Variants in SMAD6 observed in about 807,000 individuals in gnomAD.
SMAD6 encodes MAD homolog 6.
Under a neutral mutation model 39.4 loss-of-function variants are expected in SMAD6, and 103 were observed. The observed-to-expected ratio is 2.62, with a 90% CI of 2.23 to 3.08. SMAD6 has a LOEUF of 3.08. Among genes scored for constraint, SMAD6 ranks in the 30% most tolerant of loss-of-function variants. The probability of loss-of-function intolerance (pLI) is 0.00; values close to 1 mark genes in which losing one functional copy is unlikely to be tolerated. For synonymous variants in SMAD6, 445 were observed against 353.3 expected (o/e 1.26, Z -2.91); for missense variants, 1,104 against 742.9 (o/e 1.49, Z -5.65).
Position 66,716,600 on chromosome 15 carries a change from T to C in SMAD6, c.952+102T>C. ...AGACTTTTTGACTTCCCCTCTTCTT[T>C]TTGTTTCCCTTTTCCTCCAATCCTT... is the stretch of plus-strand genomic sequence containing the variant. On this transcript the variant is annotated intron_variant, in intron 3 of 3. Transcript: ENST00000288840. 5.8e-6 allele frequency: 5 copies of C among 859,924 alleles called. No individual in the cohort carries two copies. In the East Asian group the frequency reaches 7.3e-5, roughly 12 times the overall value. The allele number at this position is 859,924 out of a possible 1,614,324, so 53.3% of individuals were successfully genotyped here. A position where few individuals can be genotyped will look rare whatever the true frequency, so the allele number is the denominator to read the frequency against.
At chr15:66,761,835 C>T (rs1894205097) in intron 3 of SMAD6, among the ~76,000 whole-genome samples, 2 of 152,172 alleles carry the variant, frequency 1.3e-5, no homozygotes, top group Admixed American at 1.3e-4. Flanking sequence ...CGGTACATTC[C>T]ACGGCACCCT....
chr15:66,715,344 C>T (rs1379176347), intron 2 of SMAD6, among the ~76,000 whole-genome samples: 2 of 151,312 alleles, frequency 1.3e-5, no homozygotes, highest in East Asian at 1.9e-4. Flanking sequence ...CTCCCCAAGC[C>T]ATGTGGTAAA....
chr15:66,771,439 G>T (rs1894377455), intron 3 of SMAD6, among the ~76,000 whole-genome samples: 1 of 152,230 alleles, frequency 6.6e-6, no homozygotes, highest in Non-Finnish European at 1.5e-5. Flanking sequence ...GGCCAAGCAG[G>T]CTGCAGTCAG....
intron 3 of SMAD6, among the ~76,000 whole-genome samples, chr15:66,754,877 G>C (rs565740631): frequency 5.9e-5 from 9 of 152,136 alleles, no homozygotes; most frequent in Non-Finnish European, 1.3e-4. Flanking sequence ...GTAAGGGGAG[G>C]CTGTGTGGGC....
intron 3 of SMAD6, among the ~76,000 whole-genome samples, chr15:66,736,096 C>A (rs945980246): frequency 3.3e-5 from 5 of 151,996 alleles, no homozygotes; most frequent in African/African-American, 1.2e-4. Flanking sequence ...TGGCCGTATG[C>A]CAAGCATCTT....
intron 3 of SMAD6, among the ~76,000 whole-genome samples, chr15:66,722,043 G>C (rs1209069581): frequency 1.3e-5 from 2 of 152,222 alleles, no homozygotes; most frequent in South Asian, 2.1e-4. Context: ...GGAGTTTCGA[G>C]GGACTGGGAA....
At chr15:66,717,645 T>C in intron 3 of SMAD6, 1 of 359,636 alleles carries the variant, frequency 2.8e-6, no homozygotes, top group Non-Finnish European at 5.6e-6. Context: ...GCCTATCCAT[T>C]CCCTTCTCAC....
At chr15:66,734,335 G>A (rs1893678281) in intron 3 of SMAD6, among the ~76,000 whole-genome samples, 1 of 152,206 alleles carries the variant, frequency 6.6e-6, no homozygotes, top group Non-Finnish European at 1.5e-5. Flanking sequence ...GAAAACACTG[G>A]AACGCATTAA....
At chr15:66,756,297 C>G (rs1595790315) in intron 3 of SMAD6, among the ~76,000 whole-genome samples, 1 of 151,878 alleles carries the variant, frequency 6.6e-6, no homozygotes, top group Admixed American at 6.6e-5. Context: ...GAAACGGAGC[C>G]CTTTGCAGTC....
At chr15:66,728,859 T>G (rs531009548) in intron 3 of SMAD6, among the ~76,000 whole-genome samples, 149 of 152,342 alleles carry the variant, frequency 9.8e-4, no homozygotes, top group Non-Finnish European at 1.7e-3. Context: ...TTTCTACCCA[T>G]GATGTTACAA....
chr15:66,731,451 A>AAC (rs1766973811), intron 3 of SMAD6, among the ~76,000 whole-genome samples: 1 of 151,660 alleles, frequency 6.6e-6, no homozygotes. Context: ...AAAAAAAAAA[A>AAC]AAAGTTCCTT....
chr15:66,719,465 C>T (rs756093860), intron 3 of SMAD6, among the ~76,000 whole-genome samples: 35 of 152,174 alleles, frequency 2.3e-4, no homozygotes, highest in African/African-American at 3.4e-4. Flanking sequence ...GGCCTTCCAT[C>T]TCCCGGAGTT....
chr15:66,716,567 T>C (rs1276411822), intron 3 of SMAD6, 69 bp downstream of exon 3: 1 of 1,147,860 alleles, frequency 8.7e-7, no homozygotes, highest in African/African-American at 1.5e-5. Flanking sequence ...CGGAGGGGGC[T>C]TGGTGGAAGA....
intron 3 of SMAD6, among the ~76,000 whole-genome samples, chr15:66,754,224 A>G (rs1029575791): frequency 3.3e-5 from 5 of 152,060 alleles, no homozygotes; most frequent in Admixed American, 6.5e-5. Flanking sequence ...TGTGCTCTCA[A>G]ATTAAAGCCA....
chr15:66,762,264 C>T (rs990674250), intron 3 of SMAD6, among the ~76,000 whole-genome samples: 2 of 152,192 alleles, frequency 1.3e-5, no homozygotes, highest in African/African-American at 4.8e-5. Context: ...CCTCCCTTGC[C>T]GCACCATCAA....
At position 66,747,633 on chromosome 15, in the gene SMAD6, C is replaced by T. The variant is rs984889079; in HGVS notation, c.952+31135C>T. Among the ~76,000 whole-genome samples the T allele has an allele frequency of 6.6e-6, 1 of 152,192 alleles. No homozygotes were observed. Among genetic ancestry groups the T allele is most frequent in the African/African-American group, 2.4e-5 (1 of 41,446 alleles). ...TTTTTAAGACTAGGTTAGCCTTCCT[C>T]GGACACTGACTCCACGGTTTCCCCC... is the stretch of plus-strand genomic sequence containing the variant. On this transcript the variant is annotated intron_variant, in intron 3 of 3. Transcript: ENST00000288840. This position sits in a 1 kb window ranked among gnomAD's most constrained non-coding sequence, Gnocchi z 4.5.
chr15:66,748,786 C>T (rs143245891), intron 3 of SMAD6, among the ~76,000 whole-genome samples: 8 of 152,168 alleles, frequency 5.3e-5, no homozygotes, highest in East Asian at 1.9e-4. Context: ...GGAGACTCGA[C>T]GGGAGTTTCC....
At chr15:66,726,367 A>G (rs1299383744) in intron 3 of SMAD6, among the ~76,000 whole-genome samples, 1 of 152,166 alleles carries the variant, frequency 6.6e-6, no homozygotes, top group Non-Finnish European at 1.5e-5. Flanking sequence ...CAGAGAGGCC[A>G]AGGCATCTCC....
At chr15:66,755,740 T>C (rs1010356708) in intron 3 of SMAD6, among the ~76,000 whole-genome samples, 4 of 152,188 alleles carry the variant, frequency 2.6e-5, no homozygotes, top group African/African-American at 7.2e-5. Flanking sequence ...TTTCCTGTCC[T>C]CCTCTCCACT....
Sources: gnomAD v4.1 joint callset for allele counts (sites outside exome capture counted in the v4.1 genomes callset) on GRCh38, gnomAD v4.1.1 for gene constraint, Gnocchi (gnomAD v3.1) non-coding constraint, MANE v1.5 for transcripts, NCBI Gene and HGNC (gene_info 2026-07-23, HGNC 2026-07-21) for gene names.